Variants in CCDC60 observed in about 807,000 individuals in gnomAD.
CCDC60 encodes coiled-coil domain containing 60.
A neutral mutation model predicts 63.5 loss-of-function variants in CCDC60; 54 were observed. The observed-to-expected ratio is 0.85, with a 90% CI of 0.68 to 1.07. CCDC60 has a LOEUF of 1.07. Ranked by LOEUF, CCDC60 falls within the 50% of genes least tolerant of loss-of-function variation. The pLI is 0.00. For missense variants in CCDC60, 651 were observed against 684.3 expected (o/e 0.95, Z 0.54); for synonymous variants, 206 against 238.8 (o/e 0.86, Z 1.27).
chr12:119,344,855 T>TCACACACACACACACACA (rs1199779284), intron 1 of CCDC60, among the ~76,000 whole-genome samples: 1 of 114,798 alleles, frequency 8.7e-6, no homozygotes, highest in Admixed American at 9.7e-5. Flanking sequence ...TCTCTCTCTC[T>TCACACACACACACACACA]CACACACACA....
At chr12:119,364,363 T>C (rs1420735227) in intron 1 of CCDC60, among the ~76,000 whole-genome samples, 1 of 152,162 alleles carries the variant, frequency 6.6e-6, no homozygotes, top group Non-Finnish European at 1.5e-5. Context: ...CTCATACCCA[T>C]TTGAAGTCAA....
intron 2 of CCDC60, among the ~76,000 whole-genome samples, chr12:119,458,536 A>C (rs10849663): frequency 0.14 from 21,720 of 151,986 alleles, 1,676 homozygotes; most frequent in East Asian, 0.3. Flanking sequence ...CATGAGTTTC[A>C]CTCACTGCCT....
At position 119,360,584 on chromosome 12, in the gene CCDC60, C is replaced by T. The variant is rs1390615365; in HGVS notation, c.90+25318C>T. ...CTCACCTCCCAGACGGGGTGGCGGC[C>T]GGGCAGAGGCACTCCTCACATCCCA... is the stretch of plus-strand genomic sequence containing the variant. On this transcript the variant is annotated intron_variant, in intron 1 of 13. Coordinates refer to ENST00000327554, the MANE Select transcript of CCDC60 (RefSeq NM_178499.5). Among the ~76,000 whole-genome samples, 8 of 151,734 alleles carry T rather than the reference C, an allele frequency of 5.3e-5. 1 individual carries two copies. The highest frequency in any genetic ancestry group is 6.9e-3 in the Middle Eastern group (2 of 290).
chr12:119,430,176 AC>A (rs1950199403), intron 2 of CCDC60, among the ~76,000 whole-genome samples: 1 of 2,824 alleles, frequency 3.5e-4, no homozygotes, highest in African/African-American at 4.1e-3. Flanking sequence ...CCACACATAC[AC>A]ACACACACAC....
At chr12:119,376,399 G>T (rs1438019340) in intron 1 of CCDC60, among the ~76,000 whole-genome samples, 1 of 152,122 alleles carries the variant, frequency 6.6e-6, no homozygotes. Flanking sequence ...AAGCTGAGGC[G>T]GGCAGATCGC....
chr12:119,436,541 C>CTTTTTT (rs34712445), intron 2 of CCDC60, among the ~76,000 whole-genome samples: 5 of 143,992 alleles, frequency 3.5e-5, no homozygotes, highest in African/African-American at 1.0e-4. Context: ...GATGCCAATA[C>CTTTTTT]TTTTTTTTTT....
At chr12:119,458,127 G>A (rs1037552502) in intron 2 of CCDC60, among the ~76,000 whole-genome samples, 5 of 152,232 alleles carry the variant, frequency 3.3e-5, no homozygotes, top group African/African-American at 1.2e-4. Context: ...GAGCCAGCCA[G>A]ATGAAGTGGG....
intron 1 of CCDC60, among the ~76,000 whole-genome samples, chr12:119,378,051 A>C (rs935531414): frequency 6.6e-6 from 1 of 152,208 alleles, no homozygotes; most frequent in Non-Finnish European, 1.5e-5. Context: ...GTTTTATAGA[A>C]AAGCTTGAGG....
chr12:119,365,782 A>G (rs1955834345), intron 1 of CCDC60, among the ~76,000 whole-genome samples: 1 of 152,244 alleles, frequency 6.6e-6, no homozygotes, highest in Admixed American at 6.5e-5. Flanking sequence ...AATATGTGGT[A>G]TTAACAGAGG....
chr12:119,377,268 A>G (rs1415769384), intron 1 of CCDC60, among the ~76,000 whole-genome samples: 1 of 150,416 alleles, frequency 6.6e-6, no homozygotes, highest in Non-Finnish European at 1.5e-5. Context: ...AAAAAAAAAA[A>G]AAAAAAAAAA....
intron 7 of CCDC60, among the ~76,000 whole-genome samples, chr12:119,507,096 C>T (rs1305458730): frequency 1.3e-5 from 2 of 152,092 alleles, no homozygotes; most frequent in Admixed American, 6.5e-5. Context: ...TCTGGAATGC[C>T]TGTGGCAGCC....
At chr12:119,507,602 A>ATTTT (rs1566050705) in intron 7 of CCDC60, among the ~76,000 whole-genome samples, 5 of 23,838 alleles carry the variant, frequency 2.1e-4, no homozygotes, top group African/African-American at 8.2e-4. Flanking sequence ...ATATATATAT[A>ATTTT]TATATATATA....
intron 5 of CCDC60, among the ~76,000 whole-genome samples, chr12:119,497,173 T>G (rs1223677733): frequency 1.3e-5 from 2 of 152,180 alleles, no homozygotes; most frequent in African/African-American, 4.8e-5. Flanking sequence ...CAAGTCACAG[T>G]GCTACACTTG....
At chr12:119,368,279 G>C (rs937789380) in intron 1 of CCDC60, among the ~76,000 whole-genome samples, 1 of 152,062 alleles carries the variant, frequency 6.6e-6, no homozygotes, top group Admixed American at 6.5e-5. Context: ...TCTGATGAAA[G>C]AATTCCTGGG....
intron 2 of CCDC60, 110 bp from the exon 3 acceptor site, chr12:119,471,882 ATC>A (rs1951066735): frequency 2.5e-6 from 2 of 806,716 alleles, no homozygotes; most frequent in Non-Finnish European, 1.9e-6. Flanking sequence ...ATCCCTCTTT[ATC>A]TCTCTTTTCT....
intron 1 of CCDC60, among the ~76,000 whole-genome samples, chr12:119,374,008 T>A (rs1955926556): frequency 6.6e-6 from 1 of 152,018 alleles, no homozygotes; most frequent in Non-Finnish European, 1.5e-5. Flanking sequence ...TTTCTGCTCC[T>A]GACAGAACAC....
intron 3 of CCDC60, among the ~76,000 whole-genome samples, chr12:119,477,663 G>A (rs560715416): frequency 6.6e-5 from 10 of 152,302 alleles, no homozygotes; most frequent in Admixed American, 2.6e-4. Context: ...AAGGCCTTCA[G>A]GTAACAGGCA....
intron 2 of CCDC60, among the ~76,000 whole-genome samples, chr12:119,441,636 C>T (rs6490255): frequency 0.89 from 135,530 of 152,212 alleles, 60,731 homozygotes; most frequent in East Asian, 1. Flanking sequence ...ATCAATGGAA[C>T]TATTCAGTTA....
At chr12:119,393,585 A>T (rs938543642) in intron 1 of CCDC60, among the ~76,000 whole-genome samples, 2 of 152,244 alleles carry the variant, frequency 1.3e-5, no homozygotes, top group African/African-American at 4.8e-5. Context: ...ACAACTTTTG[A>T]AATGTACATG....
Sources: allele counts gnomAD v4.1 joint callset (sites outside exome capture counted in the v4.1 genomes callset), GRCh38; gene constraint gnomAD v4.1.1; transcripts MANE v1.5; gene names NCBI Gene and HGNC (gene_info 2026-07-23, HGNC 2026-07-21).